Variants in CNTLN observed in about 807,000 individuals in gnomAD.
The protein encoded by CNTLN is centlein, centrosomal protein.
CNTLN carries 212 observed loss-of-function variants against 180.0 expected under a neutral mutation model. That is an observed-to-expected ratio of 1.18 (90% CI 1.05 to 1.32). The LOEUF is 1.32. Ranked by LOEUF, CNTLN falls within the 40% of genes most tolerant of loss-of-function variation. The pLI is 0.00. For missense variants in CNTLN, 2,095 were observed against 1,610.9 expected (o/e 1.30, Z -5.14); for synonymous variants, 722 against 563.1 (o/e 1.28, Z -3.99).
At chr9:17,502,120 C>T (rs990877009) in intron 25 of CNTLN, among the ~76,000 whole-genome samples, 3 of 152,244 alleles carry the variant, frequency 2.0e-5, no homozygotes, top group South Asian at 2.1e-4. Context: ...TTGAGATTTT[C>T]GGCTCTAACG....
chr9:17,442,973 A>G (rs978162024), intron 18 of CNTLN, among the ~76,000 whole-genome samples: 2 of 152,220 alleles, frequency 1.3e-5, no homozygotes, highest in African/African-American at 4.8e-5. Context: ...TAGGACTAGC[A>G]GGGAACTTTC....
At chr9:17,308,980 A>T in intron 7 of CNTLN, 78 bp from the exon 8 acceptor site, 1 of 611,674 alleles carries the variant, frequency 1.6e-6, no homozygotes, top group Non-Finnish European at 2.4e-6. Flanking sequence ...ATGTATATAT[A>T]CACACACACA....
intron 2 of CNTLN, among the ~76,000 whole-genome samples, chr9:17,194,636 C>T (rs1822006527): frequency 6.6e-6 from 1 of 152,126 alleles, no homozygotes; most frequent in Non-Finnish European, 1.5e-5. Flanking sequence ...CCAAACTTTC[C>T]CAAATTTTCC....
At chr9:17,200,685 T>C (rs149169835) in intron 2 of CNTLN, among the ~76,000 whole-genome samples, 483 of 152,308 alleles carry the variant, frequency 3.2e-3, no homozygotes, top group Non-Finnish European at 4.7e-3. Context: ...CACATTGATT[T>C]GTATCCTGAG....
chr9:17,446,775 T>C (rs372132656), intron 18 of CNTLN, among the ~76,000 whole-genome samples: 195 of 152,222 alleles, frequency 1.3e-3, no homozygotes, highest in African/African-American at 4.5e-3. Context: ...AAAGGCCTTT[T>C]AGAGCAATAA....
intron 19 of CNTLN, among the ~76,000 whole-genome samples, chr9:17,460,196 C>T (rs921039513): frequency 4.0e-5 from 6 of 151,414 alleles, no homozygotes; most frequent in African/African-American, 9.7e-5. Context: ...GTTACTTGTC[C>T]GAGATCACAC....
chr9:17,212,666 C>T (rs1279480983), intron 2 of CNTLN, among the ~76,000 whole-genome samples: 2 of 152,130 alleles, frequency 1.3e-5, no homozygotes, highest in African/African-American at 4.8e-5. Flanking sequence ...TAGAATTCAG[C>T]TGTGAATCTA....
chr9:17,243,146 C>T (rs985005775), intron 5 of CNTLN, among the ~76,000 whole-genome samples: 7 of 152,002 alleles, frequency 4.6e-5, no homozygotes, highest in Non-Finnish European at 1.0e-4. Context: ...ATTAATAATC[C>T]TTTGAATTTC....
intron 2 of CNTLN, among the ~76,000 whole-genome samples, chr9:17,196,994 CACT>C (rs1822175531): frequency 6.6e-6 from 1 of 152,128 alleles, no homozygotes; most frequent in South Asian, 2.1e-4. Context: ...CCCTCCGTTC[CACT>C]ACATTTCCCA....
chr9:17,479,074 C>G (rs533447453), intron 23 of CNTLN, among the ~76,000 whole-genome samples: 2 of 152,222 alleles, frequency 1.3e-5, no homozygotes, highest in African/African-American at 4.8e-5. Context: ...TGTAATTGGA[C>G]CCTTTGTACA....
In CNTLN at chr9:17,492,541, G is replaced by A. The variant is rs146897859; in HGVS notation, c.4119+5475G>A. Among the ~76,000 whole-genome samples, 1,229 of 152,174 alleles carry A rather than the reference G, an allele frequency of 8.1e-3. 16 individuals are homozygous for A. The highest frequency in any genetic ancestry group is 0.028 in the African/African-American group (1,161 of 41,536). On this transcript the variant is annotated intron_variant, in intron 25 of 25. Coordinates refer to ENST00000380647, the MANE Select transcript of CNTLN (RefSeq NM_017738.4). ...GTGCTAGTCAGCATGGGAAACAAATGGGACAATTCATGTCTTTAAAAAGCT... is the reference window on the plus strand; with the variant it reads ...GTGCTAGTCAGCATGGGAAACAAATAGGACAATTCATGTCTTTAAAAAGCT...
At chr9:17,449,255 G>A (rs562686004) in intron 18 of CNTLN, among the ~76,000 whole-genome samples, 1 of 152,082 alleles carries the variant, frequency 6.6e-6, no homozygotes, top group Non-Finnish European at 1.5e-5. Flanking sequence ...ATCTCCCAGT[G>A]CTATCCCTCC....
At chr9:17,502,357 T>C (rs1443955664) in intron 25 of CNTLN, among the ~76,000 whole-genome samples, 194 bp from the exon 26 acceptor site, 1 of 152,200 alleles carries the variant, frequency 6.6e-6, no homozygotes. Flanking sequence ...CTTTTGCTCT[T>C]TTGTCATTTT....
intron 13 of CNTLN, among the ~76,000 whole-genome samples, chr9:17,379,052 A>ATT (rs35438339): frequency 1.3e-5 from 2 of 149,134 alleles, no homozygotes; most frequent in African/African-American, 4.9e-5. Flanking sequence ...ACATTGACAG[A>ATT]TTTTTTTTTT....
chr9:17,489,619 A>G (rs1318033763), intron 25 of CNTLN, among the ~76,000 whole-genome samples: 1 of 152,104 alleles, frequency 6.6e-6, no homozygotes, highest in Non-Finnish European at 1.5e-5. Context: ...TTGATAAAAT[A>G]TTCACCACAA....
chr9:17,207,415 T>C lies in CNTLN; in HGVS notation c.450-18788T>C, dbSNP rs908036665. ...TGCCACTGGGTATGAAAAAAACTCC[T>C]GCAGCTAGCTCGGTGTCTGCCCAAA... On this transcript the variant is annotated intron_variant, in intron 2 of 25. Coordinates refer to ENST00000380647, the MANE Select transcript of CNTLN (RefSeq NM_017738.4). Among the ~76,000 whole-genome samples, 5 of 152,128 alleles carry C rather than the reference T, an allele frequency of 3.3e-5. No individual in the cohort carries two copies. The East Asian group carries it at 7.7e-4, about 23-fold the overall frequency.
intron 16 of CNTLN, among the ~76,000 whole-genome samples, chr9:17,415,153 A>G (rs1274015358): frequency 6.6e-6 from 1 of 152,184 alleles, no homozygotes; most frequent in Non-Finnish European, 1.5e-5. Flanking sequence ...TAAATTGGTG[A>G]AACGTTTTGA....
chr9:17,301,216 T>G (rs1818321552), intron 7 of CNTLN: 1 of 985,306 alleles, frequency 1.0e-6, no homozygotes, highest in Non-Finnish European at 1.2e-6. Flanking sequence ...TTTACTAAAT[T>G]GGGAGAAGTA....
At chr9:17,445,491 C>T (rs186795858) in intron 18 of CNTLN, among the ~76,000 whole-genome samples, 1 of 152,244 alleles carries the variant, frequency 6.6e-6, no homozygotes, top group Non-Finnish European at 1.5e-5. Flanking sequence ...TATAACCTTA[C>T]CCCCAACCCC....
Sources: gnomAD v4.1 joint callset for allele counts (sites outside exome capture counted in the v4.1 genomes callset) on GRCh38, gnomAD v4.1.1 for gene constraint, MANE v1.5 for transcripts, NCBI Gene and HGNC (gene_info 2026-07-23, HGNC 2026-07-21) for gene names.